The following MERTK variants were observed in gnomAD, a reference collection of about 807,000 sequenced individuals.
MERTK encodes the protein tyrosine-protein kinase Mer.
In MERTK, 69 loss-of-function variants were observed where a neutral mutation model predicts 99.3. The observed-to-expected ratio is 0.70, with a 90% CI of 0.57 to 0.85. The LOEUF (loss-of-function observed/expected upper bound fraction) is 0.85. Ranked by LOEUF, MERTK falls within the 40% of genes least tolerant of loss-of-function variation. The probability of loss-of-function intolerance (pLI) is 0.00; values close to 1 mark genes in which losing one functional copy is unlikely to be tolerated. For missense variants in MERTK, 1,125 were observed against 1,249.4 expected, an observed-to-expected ratio of 0.90 and a Z score of 1.50; for synonymous variants, 426 against 467.6, an observed-to-expected ratio of 0.91 and a Z score of 1.15.
intron 4 of MERTK, among the ~76,000 whole-genome samples, chr2:111,951,528 T>TATATATATATATATATAC (rs1348379929): frequency 9.5e-6 from 1 of 105,500 alleles, no homozygotes; most frequent in African/African-American, 3.5e-5. Context: ...TTCCCATATA[T>TATATATATATATATATAC]ATATATATAT....
At chr2:111,925,828 T>A (rs1393753023) in intron 1 of MERTK, among the ~76,000 whole-genome samples, 2 of 110,638 alleles carry the variant, frequency 1.8e-5, no homozygotes, top group African/African-American at 3.4e-5. Context: ...TATTATTATT[T>A]TTTTTAATTT....
chr2:111,971,153 A>G (rs769980223), intron 6 of MERTK, among the ~76,000 whole-genome samples: 11 of 152,054 alleles, frequency 7.2e-5, no homozygotes, highest in Non-Finnish European at 1.6e-4. Context: ...CTTTGAGGTT[A>G]GTAATAAGAT....
chr2:111,947,365 C>T, intron 3 of MERTK, 29 bp from the exon 4 acceptor site: 2 of 1,486,854 alleles, frequency 1.3e-6, no homozygotes. Flanking sequence ...AGATCTGAAA[C>T]ATTCTTTTGT....
At chr2:111,901,024 C>G (rs1031257184) in intron 1 of MERTK, among the ~76,000 whole-genome samples, 4 of 152,118 alleles carry the variant, frequency 2.6e-5, no homozygotes, top group African/African-American at 9.7e-5. Flanking sequence ...CCCAGGAAAT[C>G]CCCTCTGCCC....
chr2:111,995,070 G>T, intron 9 of MERTK: 1 of 162,476 alleles, frequency 6.2e-6, no homozygotes, highest in Non-Finnish European at 1.4e-5. Flanking sequence ...ATTTGCTGTT[G>T]CTTGTTTTGC....
intron 5 of MERTK, among the ~76,000 whole-genome samples, chr2:111,967,575 CT>C (rs1484675182): frequency 6.6e-6 from 1 of 152,124 alleles, no homozygotes; most frequent in African/African-American, 2.4e-5. Flanking sequence ...GCAGCTGGCT[CT>C]TTTGCTTGAA....
chr2:111,945,221 C>T (rs1684943311), intron 3 of MERTK, among the ~76,000 whole-genome samples, 161 bp downstream of exon 3: 1 of 152,160 alleles, frequency 6.6e-6, no homozygotes, highest in African/African-American at 2.4e-5. Flanking sequence ...AGGTACTCCA[C>T]TTTGTAGTCT....
intron 10 of MERTK, 98 bp from the exon 11 acceptor site, chr2:112,001,103 C>A: frequency 1.1e-6 from 1 of 873,546 alleles, no homozygotes; most frequent in East Asian, 2.5e-5. Context: ...TAGAAGAGCC[C>A]ATTGAAAAGC....
chr2:111,988,469 C>T (rs1676539783), intron 8 of MERTK, among the ~76,000 whole-genome samples: 1 of 152,140 alleles, frequency 6.6e-6, no homozygotes, highest in Admixed American at 6.5e-5. Context: ...CTCTAATGCA[C>T]TAAGACTTGA....
intron 10 of MERTK, among the ~76,000 whole-genome samples, chr2:111,999,068 C>G (rs10183215): frequency 0.064 from 9,777 of 151,920 alleles, 370 homozygotes; most frequent in African/African-American, 0.11. Context: ...CATTTCAGGC[C>G]CATAGATGGT....
intron 1 of MERTK, among the ~76,000 whole-genome samples, chr2:111,925,275 G>GAGATATATATATATATAT (rs1553446636): frequency 9.6e-5 from 5 of 52,176 alleles, no homozygotes; most frequent in African/African-American, 4.8e-4. Context: ...GTACAGATCA[G>GAGATATATATATATATAT]ATATATATAT....
At chr2:111,997,798 T>A (rs1471786193) in intron 10 of MERTK, among the ~76,000 whole-genome samples, 2 of 152,202 alleles carry the variant, frequency 1.3e-5, no homozygotes, top group Non-Finnish European at 2.9e-5. Flanking sequence ...ACACCTGTAA[T>A]CCCAGCACTT....
chr2:111,975,335 A>C lies in MERTK; in HGVS notation c.1007A>C (p.Asn336Thr), dbSNP rs1477831948. The change falls in exon 7 of 19, where the codon AAC becomes ACC. Residue 336 changes from asparagine (N) to threonine (T), a missense_variant. Physicochemically the swap from Asn to Thr is moderately conservative, Grantham distance 65. Transcript: ENST00000295408. ...PLSNGSVMIF[N>T]TSALPHLYQI... ...AGTAATGGCTCAGTCATGATTTTTA[A>C]CACCTCTGCCTTACCACATCTGTAC... 1 of 1,614,170 alleles carries C rather than the reference A, an allele frequency of 6.2e-7. No individual in the cohort carries two copies. The highest frequency in any genetic ancestry group is 1.7e-5 in the Admixed American group (1 of 60,018).
chr2:111,992,936 A>C (rs887377874), intron 8 of MERTK, among the ~76,000 whole-genome samples: 1 of 152,066 alleles, frequency 6.6e-6, no homozygotes, highest in Non-Finnish European at 1.5e-5. Context: ...TTTGTGCCTG[A>C]AACTTGGGGG....
chr2:112,000,468 G>A (rs1676845583), intron 10 of MERTK, among the ~76,000 whole-genome samples: 1 of 152,140 alleles, frequency 6.6e-6, no homozygotes, highest in Non-Finnish European at 1.5e-5. Flanking sequence ...TGATGATCTT[G>A]CCAGTTTTCA....
chr2:111,980,749 A>G (rs1390607680), intron 7 of MERTK, among the ~76,000 whole-genome samples: 1 of 152,050 alleles, frequency 6.6e-6, no homozygotes, highest in African/African-American at 2.4e-5. Context: ...CAGACTTCCA[A>G]TCATTCTTTC....
chr2:112,012,474 G>A (rs965252350), intron 15 of MERTK, among the ~76,000 whole-genome samples: 5 of 151,988 alleles, frequency 3.3e-5, no homozygotes, highest in Non-Finnish European at 7.4e-5. Context: ...TCAGTTCCCC[G>A]GTGGAGGCTG....
chr2:111,982,380 T>C (rs1676390075), intron 7 of MERTK, among the ~76,000 whole-genome samples: 1 of 152,098 alleles, frequency 6.6e-6, no homozygotes, highest in African/African-American at 2.4e-5. Flanking sequence ...TTTCTTTCTC[T>C]TTCTCTTTCT....
At chr2:111,900,454 T>C (rs1288244537) in intron 1 of MERTK, among the ~76,000 whole-genome samples, 2 of 152,220 alleles carry the variant, frequency 1.3e-5, no homozygotes, top group Non-Finnish European at 2.9e-5. Flanking sequence ...TATTTGTTGC[T>C]ACTAGTGAGG....
Sources: allele counts gnomAD v4.1 joint callset (sites outside exome capture counted in the v4.1 genomes callset), GRCh38; gene constraint gnomAD v4.1.1; transcripts MANE v1.5; gene names NCBI Gene and HGNC (gene_info 2026-07-23, HGNC 2026-07-21).